The following SCN2B variants were observed in gnomAD, a reference collection of about 807,000 sequenced individuals.
SCN2B encodes the protein sodium voltage-gated channel beta subunit 2.
A neutral mutation model predicts 18.2 loss-of-function variants in SCN2B; 14 were observed. The observed-to-expected ratio is 0.77, with a 90% CI of 0.51 to 1.21. SCN2B has a LOEUF of 1.21. Ranked by LOEUF, SCN2B falls within the 50% of genes most tolerant of loss-of-function variation. SCN2B has a pLI of 0.00. For missense variants in SCN2B, 262 were observed against 286.9 expected, an observed-to-expected ratio of 0.91 and a Z score of 0.63; for synonymous variants, 115 against 115.3, an observed-to-expected ratio of 1.00 and a Z score of 0.02.
rs2135516108 is a variant in SCN2B at position 118,164,510 on chromosome 11, G to C, written c.*2377C>G. ...GGGCTTGACTCGCTCACCTCACCCA[G>C]GTGTTACCAGGCTGGTTGCCCATCC... is the stretch of plus-strand genomic sequence containing the variant. On this transcript the variant is annotated 3_prime_UTR_variant, in exon 4 of 4. Coordinates refer to ENST00000278947, the MANE Select transcript of SCN2B (RefSeq NM_004588.5). 6.5e-6 allele frequency: 1 copy of C among 153,178 alleles called. No homozygotes were observed. Among genetic ancestry groups the C allele is most frequent in the East Asian group, 1.9e-4 (1 of 5,190 alleles). The allele number at this position is 153,178 out of a possible 1,614,324, so 9.5% of individuals were successfully genotyped here.
At chr11:118,167,382 T>G (rs1330958644) in intron 3 of SCN2B, among the ~76,000 whole-genome samples, 3 of 152,190 alleles carry the variant, frequency 2.0e-5, no homozygotes, top group African/African-American at 7.2e-5. Context: ...TGCGTGACCT[T>G]AAGTAACTTA....
chr11:118,174,817 G>A (rs770289927), intron 1 of SCN2B, among the ~76,000 whole-genome samples: 1 of 152,070 alleles, frequency 6.6e-6, no homozygotes, highest in Admixed American at 6.5e-5. Flanking sequence ...TCTCCTGCAC[G>A]AAGTGCTTCC....
intron 1 of SCN2B, among the ~76,000 whole-genome samples, chr11:118,172,641 A>G (rs1189812790): frequency 1.3e-5 from 2 of 152,226 alleles, no homozygotes; most frequent in Admixed American, 6.5e-5. Flanking sequence ...CACAGAAGGG[A>G]AAAGATCATC....
In SCN2B at chr11:118,169,998, A is replaced by T. The variant is rs551191941; in HGVS notation, c.71-1247T>A. On this transcript the variant is annotated intron_variant, in intron 1 of 3. Coordinates refer to ENST00000278947, the MANE Select transcript of SCN2B (RefSeq NM_004588.5). ...AAGATGCTCTGCCCGTATCCTCAAG[A>T]ACCTTATCTCAGAAGATTCCTTTTC... Among the ~76,000 whole-genome samples, 4 of 152,318 alleles carry T rather than the reference A, an allele frequency of 2.6e-5. No homozygotes were observed. In the South Asian group the frequency reaches 8.3e-4, roughly 32 times the overall value.
chr11:118,169,281 C>T (rs1948411722), intron 1 of SCN2B, among the ~76,000 whole-genome samples: 1 of 152,194 alleles, frequency 6.6e-6, no homozygotes, highest in South Asian at 2.1e-4. Flanking sequence ...GCACCCCTGC[C>T]CCCACCACAC....
chr11:118,167,329 C>G (rs1948393213), intron 3 of SCN2B, among the ~76,000 whole-genome samples: 1 of 152,242 alleles, frequency 6.6e-6, no homozygotes, highest in South Asian at 2.1e-4. Flanking sequence ...ACTTTAAGAT[C>G]AAACAGACCC....
At chr11:118,173,635 T>G (rs1948446076) in intron 1 of SCN2B, among the ~76,000 whole-genome samples, 1 of 152,242 alleles carries the variant, frequency 6.6e-6, no homozygotes, top group Admixed American at 6.5e-5. Flanking sequence ...AAAAGTCAGC[T>G]GCGACTATGA....
At position 118,166,734 on chromosome 11, in the gene SCN2B, G is replaced by T. The variant is rs1948385078; in HGVS notation, c.*153C>A. 2 of 799,370 alleles carry T rather than the reference G, an allele frequency of 2.5e-6. No homozygotes were observed. Among genetic ancestry groups the T allele is most frequent in the South Asian group, 1.5e-5 (1 of 68,532 alleles). The allele number at this position is 799,370 out of a possible 1,614,324, so 49.5% of individuals were successfully genotyped here. ...GAGAGTGGGTCACTCTTGGTGCAGG[G>T]TGGGAGATACGAAGTCGGGGGTTCA... On this transcript the variant is annotated 3_prime_UTR_variant, in exon 4 of 4. Transcript: ENST00000278947.
chr11:118,166,951 T>C lies in SCN2B; in HGVS notation c.584A>G (p.Asp195Gly). 6.2e-7 allele frequency: 1 copy of C among 1,614,126 alleles called. No individual in the cohort carries two copies. Among genetic ancestry groups the C allele is most frequent in the South Asian group, 1.1e-5 (1 of 91,090 alleles). ...CTTGCCCTCCTCCTCGGTCTTCAGG[T>C]CATCTGTGCTCAGCTTCTGCTCTTT... ...RKKEQKLSTD[D>G]LKTEEEGKTD... Residue 195 changes from aspartate (D) to glycine (G), a missense_variant, in exon 4 of 4, where the codon GAC becomes GGC. Transcript: ENST00000278947.
chr11:118,174,374 CAT>C (rs751827388), intron 1 of SCN2B, among the ~76,000 whole-genome samples: 1 of 152,116 alleles, frequency 6.6e-6, no homozygotes, highest in Non-Finnish European at 1.5e-5. Flanking sequence ...AAACTAGCCT[CAT>C]ATGCTTCTGC....
intron 1 of SCN2B, among the ~76,000 whole-genome samples, chr11:118,172,073 C>A (rs907702096): frequency 6.6e-6 from 1 of 152,174 alleles, no homozygotes; most frequent in Non-Finnish European, 1.5e-5. Context: ...CCCGCCAGTC[C>A]GGGCCCTCAT....
rs1948404569 is a variant in SCN2B at position 118,168,503 on chromosome 11, CG to C, written c.237+81del. The stretch of plus-strand genomic sequence containing the variant: ...GTCCTCTGGGGCCCTAGCGCAGTGC[CG>C]GGGCCGGTGGTGGGACCAGGGGCTT... On this transcript the variant is annotated intron_variant, in intron 2 of 3. Transcript: ENST00000278947. This position sits in a 1 kb window ranked among gnomAD's most constrained non-coding sequence, Gnocchi z 4.7. The C allele has an allele frequency of 1.1e-5, 18 of 1,572,878 alleles. 1 individual carries two copies. The South Asian group carries it at 1.5e-4, about 13-fold the overall frequency.
intron 1 of SCN2B, among the ~76,000 whole-genome samples, chr11:118,173,883 G>C (rs1948447559): frequency 6.6e-6 from 1 of 151,844 alleles, no homozygotes; most frequent in African/African-American, 2.4e-5. Flanking sequence ...ATGTGCAGTG[G>C]GCTAGAGTGA....
chr11:118,172,922 A>C (rs1948440906), intron 1 of SCN2B, among the ~76,000 whole-genome samples: 2 of 150,204 alleles, frequency 1.3e-5, no homozygotes, highest in African/African-American at 2.5e-5. Flanking sequence ...GTGTCTAAAC[A>C]GATGAACTGT....
intron 1 of SCN2B, among the ~76,000 whole-genome samples, chr11:118,173,864 G>A (rs987212070): frequency 6.6e-6 from 1 of 152,106 alleles, no homozygotes; most frequent in Admixed American, 6.6e-5. Flanking sequence ...ACCACCACAA[G>A]CAGCAGATAT....
chr11:118,172,998 G>T (rs548502058), intron 1 of SCN2B, among the ~76,000 whole-genome samples: 125 of 151,134 alleles, frequency 8.3e-4, no homozygotes, highest in Non-Finnish European at 1.5e-3. Flanking sequence ...CACCTGCACT[G>T]CCTTACCATC....
intron 1 of SCN2B, among the ~76,000 whole-genome samples, chr11:118,169,103 A>G (rs966977720): frequency 1.3e-5 from 2 of 152,118 alleles, no homozygotes; most frequent in African/African-American, 2.4e-5. Context: ...TCCCCAGTCC[A>G]TACTCCTGGA....
intron 1 of SCN2B, among the ~76,000 whole-genome samples, chr11:118,175,045 AG>A (rs553697237): frequency 2.6e-5 from 4 of 152,238 alleles, no homozygotes; most frequent in Non-Finnish European, 5.9e-5. Flanking sequence ...CCGTTACCAT[AG>A]TCATCTGTTT....
intron 1 of SCN2B, among the ~76,000 whole-genome samples, chr11:118,170,615 C>T (rs913786762): frequency 1.3e-5 from 2 of 151,964 alleles, no homozygotes; most frequent in African/African-American, 4.8e-5. Flanking sequence ...CAGATGAGCC[C>T]GATAGAGGCT....
Sources: allele counts gnomAD v4.1 joint callset (sites outside exome capture counted in the v4.1 genomes callset), GRCh38; gene constraint gnomAD v4.1.1; non-coding constraint Gnocchi (gnomAD v3.1); transcripts MANE v1.5; gene names NCBI Gene and HGNC (gene_info 2026-07-23, HGNC 2026-07-21).